The following VWF variants were observed in gnomAD, a reference collection of about 807,000 sequenced individuals.
VWF encodes the protein Factor VIII related antigen.
In VWF, 176 loss-of-function variants were observed where a neutral mutation model predicts 308.6. That is an observed-to-expected ratio of 0.57 (90% CI 0.50 to 0.65). The LOEUF (loss-of-function observed/expected upper bound fraction) is 0.65, where lower values mean the gene tolerates loss of function less well. Among genes scored for constraint, VWF ranks in the 30% least tolerant of loss-of-function variants. The pLI is 0.00. For synonymous variants in VWF, 1,385 were observed against 1,443.4 expected, an observed-to-expected ratio of 0.96 and a Z score of 0.92; for missense variants, 3,146 against 3,648.2, an observed-to-expected ratio of 0.86 and a Z score of 3.55.
chr12:6,023,575 A>G (rs754302414), intron 25 of VWF, 56 bp downstream of exon 25: 7 of 1,609,248 alleles, frequency 4.3e-6, no homozygotes, highest in Admixed American at 1.7e-5. Context: ...GTCTTCAAGC[A>G]TAGACACATG....
chr12:5,970,455 G>C (rs2136357401), intron 44 of VWF, among the ~76,000 whole-genome samples: 1 of 152,240 alleles, frequency 6.6e-6, no homozygotes, highest in East Asian at 1.9e-4. Flanking sequence ...GAGCGCAAAG[G>C]GACCAGCTCT....
At chr12:6,079,525 G>T (rs1481027220) in intron 6 of VWF, among the ~76,000 whole-genome samples, 1 of 152,002 alleles carries the variant, frequency 6.6e-6, no homozygotes, top group Non-Finnish European at 1.5e-5. Flanking sequence ...CAGGAGAATG[G>T]CATGAAGCCG....
chr12:5,949,688 G>A (rs563624315), intron 51 of VWF, 98 bp downstream of exon 51: 22 of 1,274,912 alleles, frequency 1.7e-5, no homozygotes, highest in South Asian at 3.6e-5. Context: ...TCTTCCCTGC[G>A]AATTTTCCAG....
At position 6,110,977 on chromosome 12, in the gene VWF, G is replaced by GA; in HGVS notation, c.221-10dup. On this transcript the variant is annotated splice_polypyrimidine_tract_variant and intron_variant, in intron 3 of 51. Transcript: ENST00000261405. ...GCCATTCTGGAAGTCCCCTGAAAGA[G>GA]AAAAAAGTCAATAGTAGTGATTATT... The GA allele has an allele frequency of 6.2e-7, 1 of 1,609,810 alleles. No homozygotes were observed. The highest frequency in any genetic ancestry group is 8.5e-7 in the Non-Finnish European group (1 of 1,176,186).
At chr12:6,016,489 G>A in intron 30 of VWF, 27 bp downstream of exon 30, 1 of 1,610,800 alleles carries the variant, frequency 6.2e-7, no homozygotes. Context: ...TGCAGCTTCT[G>A]CATCCAGCCT....
Position 5,953,583 on chromosome 12 carries a change from T to G in VWF, c.7899A>C (p.Glu2633Asp). The G allele has an allele frequency of 6.2e-7, 1 of 1,614,168 alleles. No homozygotes were observed. Among genetic ancestry groups the G allele is most frequent in the African/African-American group, 1.3e-5 (1 of 75,056 alleles). The change falls in exon 48 of 52, where the codon GAA (glutamate) becomes GAC (aspartate). Residue 2633 changes from glutamate (E) to aspartate (D), a missense_variant. Physicochemically the swap from Glu to Asp is conservative, Grantham distance 45. Coordinates refer to ENST00000261405, the MANE Select transcript of VWF (RefSeq NM_000552.5). ...CACAACATTCACCTGTGTTATTTTCTTCCTTGTAACCCTGCATCCAGAGGG... is the reference window on the plus strand; with the variant it reads ...CACAACATTCACCTGTGTTATTTTCGTCCTTGTAACCCTGCATCCAGAGGG... ...TCNPCPLGYK[E>D]ENNTGECCGR...
intron 33 of VWF, 61 bp downstream of exon 33, chr12:6,012,026 G>T (rs1213781449): frequency 2.5e-6 from 4 of 1,590,422 alleles, no homozygotes; most frequent in Non-Finnish European, 3.5e-6. Context: ...TTAACCAGTG[G>T]GAACAAGAGC....
chr12:5,964,112 G>C (rs1943352791), intron 47 of VWF, among the ~76,000 whole-genome samples: 1 of 152,114 alleles, frequency 6.6e-6, no homozygotes, highest in East Asian at 1.9e-4. Context: ...AGCTACTCAG[G>C]AGGCTGAGGC....
At chr12:5,971,496 T>G in intron 44 of VWF, 103 bp downstream of exon 44, 1 of 946,194 alleles carries the variant, frequency 1.1e-6, no homozygotes, top group Admixed American at 1.8e-5. Context: ...AAATGCCCAG[T>G]GGGGAAAGCA....
chr12:6,002,717 T>C (rs1943885196), intron 34 of VWF, among the ~76,000 whole-genome samples: 1 of 151,910 alleles, frequency 6.6e-6, no homozygotes, highest in South Asian at 2.1e-4. Flanking sequence ...CCCCAAATGA[T>C]TTCACAAGGA....
chr12:6,050,114 C>A (rs945380087), intron 16 of VWF, among the ~76,000 whole-genome samples: 2 of 152,176 alleles, frequency 1.3e-5, no homozygotes, highest in African/African-American at 2.4e-5. Context: ...GATGGTAACT[C>A]AAAGTCATTA....
chr12:6,048,610 A>T (rs216300), intron 16 of VWF, among the ~76,000 whole-genome samples: 2,893 of 152,232 alleles, frequency 0.019, 97 homozygotes, highest in African/African-American at 0.064. Flanking sequence ...TTACAGGCAC[A>T]CATCACCATG....
intron 6 of VWF, among the ~76,000 whole-genome samples, chr12:6,083,721 C>T (rs73036530): frequency 0.15 from 23,454 of 152,156 alleles, 2,204 homozygotes; most frequent in East Asian, 0.45. Flanking sequence ...CCCACCCCCA[C>T]GGGGCACAGA....
intron 49 of VWF, 110 bp from the exon 50 acceptor site, chr12:5,951,993 G>A (rs1943196921): frequency 2.8e-6 from 3 of 1,064,590 alleles, no homozygotes; most frequent in Non-Finnish European, 4.4e-6. Flanking sequence ...GTGCTTAAGT[G>A]CCCAGATGTA....
intron 38 of VWF, among the ~76,000 whole-genome samples, chr12:5,987,794 C>G (rs928328171): frequency 2.6e-5 from 4 of 152,062 alleles, no homozygotes; most frequent in Non-Finnish European, 4.4e-5. Flanking sequence ...AAAATGTAAA[C>G]GAATCTATAG....
At chr12:6,118,464 A>C (rs12826041) in intron 3 of VWF, among the ~76,000 whole-genome samples, 83,005 of 145,760 alleles carry the variant, frequency 0.57, 23,692 homozygotes, top group Non-Finnish European at 0.63. Flanking sequence ...CTCGGCTCAC[A>C]GCAACCTCCA....
intron 21 of VWF, among the ~76,000 whole-genome samples, chr12:6,031,143 C>T (rs551964235): frequency 7.2e-5 from 11 of 152,278 alleles, no homozygotes; most frequent in African/African-American, 1.4e-4. Context: ...ACCCTCCAGT[C>T]CCCACCCTAC....
At chr12:5,953,413 C>T (rs1456056250) in intron 48 of VWF, 83 bp downstream of exon 48, 17 of 1,096,486 alleles carry the variant, frequency 1.6e-5, no homozygotes, top group Non-Finnish European at 2.4e-5. Flanking sequence ...CCAAACTTAG[C>T]CCCTCTTCCT....
chr12:6,112,724 G>A (rs1400130817), intron 3 of VWF, among the ~76,000 whole-genome samples: 3 of 152,040 alleles, frequency 2.0e-5, no homozygotes, highest in Admixed American at 1.3e-4. Flanking sequence ...CAGAGGAGCT[G>A]GGGCAGAGGT....
Sources: allele counts gnomAD v4.1 joint callset (sites outside exome capture counted in the v4.1 genomes callset), GRCh38; gene constraint gnomAD v4.1.1; transcripts MANE v1.5; gene names NCBI Gene and HGNC (gene_info 2026-07-23, HGNC 2026-07-21).